The following GRK3 variants were observed in gnomAD, a reference collection of about 807,000 sequenced individuals.
The protein encoded by GRK3 is adrenergic, beta, receptor kinase 2.
A neutral mutation model predicts 95.7 loss-of-function variants in GRK3; 54 were observed. That is an observed-to-expected ratio of 0.56 (90% CI 0.45 to 0.71). The LOEUF (loss-of-function observed/expected upper bound fraction) is 0.71, where lower values mean the gene tolerates loss of function less well. Among genes scored for constraint, GRK3 ranks in the 30% least tolerant of loss-of-function variants. The pLI is 0.00. For synonymous variants in GRK3, 281 were observed against 290.8 expected, an observed-to-expected ratio of 0.97 and a Z score of 0.34; for missense variants, 649 against 851.2, an observed-to-expected ratio of 0.76 and a Z score of 2.96.
rs766702241 is a variant in GRK3 at position 25,578,238 on chromosome 22, T to G, written c.113+13085T>G. Among the ~76,000 whole-genome samples, 126 of 152,264 alleles carry G rather than the reference T, an allele frequency of 8.3e-4. 1 individual carries two copies. Among genetic ancestry groups the G allele is most frequent in the Non-Finnish European group, 1.3e-3 (86 of 68,004 alleles). On this transcript the variant is annotated intron_variant, in intron 1 of 20. Transcript: ENST00000324198. ...CATAGGCACCTCATACACCTGCGCC[T>G]GACTCCAGGTGTGGGTGAGATGAGC...
chr22:25,721,131 A>G (rs561968855), intron 19 of GRK3, among the ~76,000 whole-genome samples, 153 bp from the exon 20 acceptor site: 2 of 152,318 alleles, frequency 1.3e-5, no homozygotes, highest in East Asian at 3.9e-4. Flanking sequence ...GTGTTCCTTT[A>G]TAGCCATTTT....
chr22:25,571,895 G>T (rs1010099006), intron 1 of GRK3, among the ~76,000 whole-genome samples: 1 of 151,858 alleles, frequency 6.6e-6, no homozygotes, highest in Non-Finnish European at 1.5e-5. Context: ...TAGGGTACAT[G>T]TGCACAACAT....
rs1346888805 is a variant in GRK3, at chr22:25,726,562, G to A, written c.*4112G>A. 6.6e-6 allele frequency: 1 copy of A among 152,190 alleles called. No individual in the cohort carries two copies. Among genetic ancestry groups the A allele is most frequent in the East Asian group, 1.9e-4 (1 of 5,198 alleles). 9.4% of individuals were successfully genotyped at this position (152,190 alleles called of 1,614,324 possible). ...CTTCACTGGGATCTGTGACAGGTGG[G>A]GGCTGGGCTGGGTGTCACAAAGAGA... On this transcript the variant is annotated 3_prime_UTR_variant, in exon 21 of 21. Coordinates refer to ENST00000324198, the MANE Select transcript of GRK3 (RefSeq NM_005160.4).
intron 2 of GRK3, among the ~76,000 whole-genome samples, chr22:25,640,242 TTTTG>T (rs2084733306): frequency 1.3e-5 from 2 of 152,212 alleles, no homozygotes; most frequent in Admixed American, 6.5e-5. Flanking sequence ...ATGCATTGTA[TTTTG>T]TTTGTCTCAC....
intron 7 of GRK3, among the ~76,000 whole-genome samples, chr22:25,673,044 G>GTTTTTTTTTTTTTT (rs2084996641): frequency 1.5e-5 from 1 of 68,520 alleles, no homozygotes; most frequent in African/African-American, 6.4e-5. Flanking sequence ...TTTTTTACTT[G>GTTTTTTTTTTTTTT]AATGGTATTG....
At chr22:25,718,502 C>A in intron 19 of GRK3, 121 bp downstream of exon 19, 1 of 1,148,088 alleles carries the variant, frequency 8.7e-7, no homozygotes, top group East Asian at 2.4e-5. Flanking sequence ...TATTTTACTG[C>A]TCTACATGAG....
At chr22:25,707,276 T>A (rs2085307238) in intron 15 of GRK3, among the ~76,000 whole-genome samples, 1 of 152,346 alleles carries the variant, frequency 6.6e-6, no homozygotes, top group South Asian at 2.1e-4. Flanking sequence ...AGTAAACTTC[T>A]TATTTAGCTT....
chr22:25,676,959 C>G (rs2085035003), intron 8 of GRK3, among the ~76,000 whole-genome samples: 1 of 152,140 alleles, frequency 6.6e-6, no homozygotes, highest in African/African-American at 2.4e-5. Flanking sequence ...CCCCTAGGAG[C>G]CTGTTAGGTA....
At chr22:25,664,198 C>T (rs190654914) in intron 5 of GRK3, among the ~76,000 whole-genome samples, 66 of 152,254 alleles carry the variant, frequency 4.3e-4, no homozygotes, top group African/African-American at 1.4e-3. Context: ...AACACAATAC[C>T]GTCATACAGG....
intron 3 of GRK3, chr22:25,648,613 C>A: frequency 8.8e-7 from 1 of 1,133,346 alleles, no homozygotes; most frequent in Non-Finnish European, 1.3e-6. Flanking sequence ...CCACTATATG[C>A]TGTTGTTTCT....
chr22:25,608,075 A>G (rs1194508443), intron 2 of GRK3, among the ~76,000 whole-genome samples: 1 of 152,162 alleles, frequency 6.6e-6, no homozygotes, highest in Non-Finnish European at 1.5e-5. Flanking sequence ...GTGGGCTCAG[A>G]TGTGGTCGGT....
At chr22:25,597,579 A>G (rs565151390) in intron 1 of GRK3, among the ~76,000 whole-genome samples, 4 of 152,278 alleles carry the variant, frequency 2.6e-5, no homozygotes, top group African/African-American at 9.6e-5. Flanking sequence ...ATTATGTGTC[A>G]GTTAACAAAG....
rs534365393 is a variant in GRK3, at chr22:25,627,328, G to A, written c.191-17264G>A. ...AATATTAAGTATTGGAATTTCTGAGGCTGGATCCCTTAGCCTGGTGGCTGA... is the reference window on the plus strand; with the variant it reads ...AATATTAAGTATTGGAATTTCTGAGACTGGATCCCTTAGCCTGGTGGCTGA... On this transcript the variant is annotated intron_variant, in intron 2 of 20. Coordinates refer to ENST00000324198, the MANE Select transcript of GRK3 (RefSeq NM_005160.4). 5.9e-5 allele frequency among the ~76,000 whole-genome samples: 9 copies of A among 152,334 alleles called. No homozygotes were observed. In the South Asian group the frequency reaches 1.2e-3, roughly 21 times the overall value.
chr22:25,682,385 C>T (rs902516417), intron 9 of GRK3, among the ~76,000 whole-genome samples: 5 of 152,018 alleles, frequency 3.3e-5, no homozygotes, highest in African/African-American at 1.2e-4. Flanking sequence ...CATGGAGGCT[C>T]GGAGATAGGG....
At chr22:25,709,599 T>C (rs900548500) in intron 15 of GRK3, among the ~76,000 whole-genome samples, 1 of 151,230 alleles carries the variant, frequency 6.6e-6, no homozygotes, top group East Asian at 1.9e-4. Flanking sequence ...AGAATTATTG[T>C]GTGTGTGTGT....
At chr22:25,694,981 C>T in intron 12 of GRK3, 126 bp from the exon 13 acceptor site, 1 of 618,418 alleles carries the variant, frequency 1.6e-6, no homozygotes, top group Non-Finnish European at 2.9e-6. Flanking sequence ...CGGTGAAGCA[C>T]AACTGTCCCC....
chr22:25,603,454 T>C (rs2084423077), intron 1 of GRK3, among the ~76,000 whole-genome samples: 1 of 152,222 alleles, frequency 6.6e-6, no homozygotes, highest in African/African-American at 2.4e-5. Flanking sequence ...GTTGAATGTA[T>C]GTGTGGTTCA....
intron 3 of GRK3, among the ~76,000 whole-genome samples, chr22:25,660,770 T>C (rs1411661809): frequency 6.6e-6 from 1 of 152,238 alleles, no homozygotes; most frequent in African/African-American, 2.4e-5. Flanking sequence ...ATTTCATGTA[T>C]GTTTTCATTC....
intron 2 of GRK3, among the ~76,000 whole-genome samples, chr22:25,628,460 T>C (rs1478645089): frequency 6.6e-6 from 1 of 152,216 alleles, no homozygotes; most frequent in African/African-American, 2.4e-5. Context: ...CAAATATTCA[T>C]TGGAGAGCAA....
Sources: allele counts gnomAD v4.1 joint callset (sites outside exome capture counted in the v4.1 genomes callset), GRCh38; gene constraint gnomAD v4.1.1; transcripts MANE v1.5; gene names NCBI Gene and HGNC (gene_info 2026-07-23, HGNC 2026-07-21).